SPPL3: variants seen among roughly 807,000 people sequenced by gnomAD.
SPPL3 encodes the protein signal peptide peptidase like 3.
Under a neutral mutation model 42.4 loss-of-function variants are expected in SPPL3, and 5 were observed. The ratio of observed to expected loss-of-function variants is 0.12; its 90% CI spans 0.06 to 0.25. The LOEUF is 0.25. Ranked by LOEUF, SPPL3 falls within the 10% of genes least tolerant of loss-of-function variation. SPPL3 has a pLI of 1.00. For missense variants in SPPL3, 235 were observed against 489.0 expected, an observed-to-expected ratio of 0.48 and a Z score of 4.90; for synonymous variants, 195 against 181.8, an observed-to-expected ratio of 1.07 and a Z score of -0.58.
intron 3 of SPPL3, among the ~76,000 whole-genome samples, chr12:120,789,516 T>C (rs2136984103): frequency 6.8e-6 from 1 of 147,422 alleles, no homozygotes; most frequent in Non-Finnish European, 1.5e-5. Context: ...CTGTGCTTCA[T>C]GAACAAAAAA....
chr12:120,879,015 A>C (rs1046619081), intron 1 of SPPL3, among the ~76,000 whole-genome samples: 6 of 146,106 alleles, frequency 4.1e-5, no homozygotes, highest in Non-Finnish European at 7.5e-5. Context: ...TGGGAGGTTG[A>C]GGCAGGAAAA....
chr12:120,861,066 T>C (rs950139112), intron 1 of SPPL3, among the ~76,000 whole-genome samples: 4 of 152,220 alleles, frequency 2.6e-5, no homozygotes, highest in Admixed American at 1.3e-4. Flanking sequence ...GAAAACGCTA[T>C]ATAAATACCT....
At chr12:120,882,776 C>T (rs1198229911) in intron 1 of SPPL3, among the ~76,000 whole-genome samples, 2 of 152,060 alleles carry the variant, frequency 1.3e-5, no homozygotes, top group African/African-American at 4.8e-5. Context: ...TATCTGTAAA[C>T]CCAGTGCTGT....
chr12:120,765,149 A>T (rs6490303), intron 10 of SPPL3, 79 bp from the exon 11 acceptor site: 163,783 of 1,352,998 alleles, frequency 0.12, 14,830 homozygotes, highest in African/African-American at 0.45. Context: ...AAAAAAAAAA[A>T]TTTTTTTTCC....
chr12:120,864,886 A>C (rs991644564), intron 1 of SPPL3, among the ~76,000 whole-genome samples: 1 of 152,224 alleles, frequency 6.6e-6, no homozygotes, highest in Admixed American at 6.5e-5. Context: ...TTCTTAAGTG[A>C]AACTGGGTTA....
intron 1 of SPPL3, among the ~76,000 whole-genome samples, chr12:120,832,065 T>C (rs910632423): frequency 3.3e-5 from 5 of 152,218 alleles, no homozygotes; most frequent in African/African-American, 1.2e-4. Context: ...AAATTCATAA[T>C]AGCAATTGTA....
intron 1 of SPPL3, among the ~76,000 whole-genome samples, chr12:120,852,883 T>TG (rs1592996151): frequency 2.1e-5 from 3 of 145,214 alleles, no homozygotes; most frequent in East Asian, 2.0e-4. Flanking sequence ...ACATATCATA[T>TG]ATATTTCATA....
intron 1 of SPPL3, among the ~76,000 whole-genome samples, chr12:120,860,144 A>G (rs1447925775): frequency 1.3e-5 from 2 of 152,190 alleles, no homozygotes; most frequent in Admixed American, 1.3e-4. Flanking sequence ...TCTGGGCTGC[A>G]GTGAGCCATG....
chr12:120,844,643 C>A (rs969628539), intron 1 of SPPL3, among the ~76,000 whole-genome samples: 2 of 152,150 alleles, frequency 1.3e-5, no homozygotes, highest in African/African-American at 4.8e-5. Context: ...CACCGTAGGA[C>A]TATTCCCTCT....
chr12:120,768,287 G>C, intron 8 of SPPL3, 38 bp downstream of exon 8: 1 of 1,586,440 alleles, frequency 6.3e-7, no homozygotes. Context: ...GATAGGCACA[G>C]GAAGACAGTG....
intron 5 of SPPL3, 134 bp from the exon 6 acceptor site, chr12:120,782,901 C>T: frequency 1.5e-6 from 1 of 651,922 alleles, no homozygotes; most frequent in Non-Finnish European, 2.7e-6. Context: ...AATACCCAAT[C>T]CTTTTTTGGA....
intron 1 of SPPL3, among the ~76,000 whole-genome samples, chr12:120,871,102 C>CCTG (rs1255370685): frequency 6.0e-5 from 7 of 116,418 alleles, no homozygotes; most frequent in Non-Finnish European, 1.2e-4. Context: ...TGCACTCCAG[C>CCTG]CTGGGCGACA....
chr12:120,871,405 G>A (rs1158039515), intron 1 of SPPL3, among the ~76,000 whole-genome samples: 1 of 152,038 alleles, frequency 6.6e-6, no homozygotes, highest in Non-Finnish European at 1.5e-5. Context: ...GTATCCACGG[G>A]GGATTGATTC....
intron 1 of SPPL3, among the ~76,000 whole-genome samples, chr12:120,832,320 T>C (rs968878644): frequency 6.6e-6 from 1 of 152,220 alleles, no homozygotes; most frequent in Non-Finnish European, 1.5e-5. Flanking sequence ...TATTATTTTC[T>C]GACTCTAATA....
chr12:120,805,194 A>ACC, intron 2 of SPPL3, among the ~76,000 whole-genome samples: 1 of 152,354 alleles, frequency 6.6e-6, no homozygotes, highest in Non-Finnish European at 1.5e-5. Context: ...AAACCCACTG[A>ACC]ATTGTATACT....
chr12:120,786,770 T>C (rs181039469), intron 3 of SPPL3, among the ~76,000 whole-genome samples: 86 of 152,274 alleles, frequency 5.6e-4, no homozygotes, highest in Non-Finnish European at 1.0e-3. Context: ...CAGTACTCCA[T>C]TTCCTAAAGT....
intron 1 of SPPL3, among the ~76,000 whole-genome samples, chr12:120,898,424 A>T (rs1873878896): frequency 6.7e-6 from 1 of 149,084 alleles, no homozygotes; most frequent in African/African-American, 2.5e-5. Flanking sequence ...TTTTATCCTT[A>T]TGTAGCTTAT....
chr12:120,764,914 T>A lies in SPPL3; in HGVS notation c.*85A>T, dbSNP rs977309445. 1.4e-6 allele frequency: 2 copies of A among 1,446,584 alleles called. No homozygotes were observed. Among genetic ancestry groups the A allele is most frequent in the African/African-American group, 1.4e-5 (1 of 71,094 alleles). The allele number at this position is 1,446,584 out of a possible 1,614,324, so 89.6% of individuals were successfully genotyped here. ...CCTTAAACACAGGTACATTTCTGAG[T>A]ACCAGGCCAGCTCTAAGAGGAAACA... On this transcript the variant is annotated 3_prime_UTR_variant, in exon 11 of 11. Coordinates refer to ENST00000353487, the MANE Select transcript of SPPL3 (RefSeq NM_139015.5).
intron 6 of SPPL3, among the ~76,000 whole-genome samples, chr12:120,780,961 G>T (rs1251631024): frequency 2.6e-5 from 4 of 152,170 alleles, no homozygotes; most frequent in Non-Finnish European, 5.9e-5. Context: ...GTGATTTTCA[G>T]AAACAGCCTC....
Sources: gnomAD v4.1 joint callset for allele counts (sites outside exome capture counted in the v4.1 genomes callset) on GRCh38, gnomAD v4.1.1 for gene constraint, MANE v1.5 for transcripts, NCBI Gene and HGNC (gene_info 2026-07-23, HGNC 2026-07-21) for gene names.